CDH10: variants seen among roughly 807,000 people sequenced by gnomAD.
CDH10 encodes the protein cadherin 10.
Under a neutral mutation model 73.1 loss-of-function variants are expected in CDH10, and 30 were observed. The ratio of observed to expected loss-of-function variants is 0.41; its 90% confidence interval spans 0.31 to 0.56. The LOEUF is 0.56. Ranked by LOEUF, CDH10 falls within the 20% of genes least tolerant of loss-of-function variation. The probability of loss-of-function intolerance (pLI) is 0.27; values close to 1 mark genes in which losing one functional copy is unlikely to be tolerated. For missense variants in CDH10, 815 were observed against 973.7 expected, an observed-to-expected ratio of 0.84 and a Z score of 2.17; for synonymous variants, 345 against 348.2, an observed-to-expected ratio of 0.99 and a Z score of 0.10.
chr5:24,523,766 T>C (rs1743425534), intron 5 of CDH10, among the ~76,000 whole-genome samples: 1 of 152,156 alleles, frequency 6.6e-6, no homozygotes, highest in Non-Finnish European at 1.5e-5. Context: ...TTACAAGGTG[T>C]ATTTCATGTT....
intron 2 of CDH10, among the ~76,000 whole-genome samples, chr5:24,574,158 T>C (rs536049194): frequency 6.6e-6 from 1 of 152,162 alleles, no homozygotes; most frequent in Non-Finnish European, 1.5e-5. Context: ...ATTGCTGGGA[T>C]TACAGGCGTG....
chr5:24,502,211 C>A (rs950558395), intron 8 of CDH10, among the ~76,000 whole-genome samples: 2 of 152,082 alleles, frequency 1.3e-5, no homozygotes, highest in African/African-American at 4.8e-5. Flanking sequence ...CGTGAGCCAC[C>A]GCGCCTGGCT....
intron 5 of CDH10, among the ~76,000 whole-genome samples, chr5:24,531,458 A>C (rs11954473): frequency 0.46 from 70,180 of 151,822 alleles, 16,453 homozygotes; most frequent in East Asian, 0.58. Flanking sequence ...AAAGACATAC[A>C]CAAGACTGGG....
intron 11 of CDH10, 106 bp from the exon 12 acceptor site, chr5:24,488,259 CT>C: frequency 2.1e-6 from 2 of 949,884 alleles, no homozygotes; most frequent in Non-Finnish European, 3.1e-6. Flanking sequence ...TCTATAACAG[CT>C]TAGACTTTCA....
chr5:24,640,282 A>G (rs1430601536), intron 1 of CDH10, among the ~76,000 whole-genome samples: 1 of 151,676 alleles, frequency 6.6e-6, no homozygotes, highest in Non-Finnish European at 1.5e-5. Context: ...GGAAATAGAT[A>G]TAGATTTGCA....
chr5:24,625,996 A>G (rs1318591471), intron 1 of CDH10, among the ~76,000 whole-genome samples: 1 of 152,110 alleles, frequency 6.6e-6, no homozygotes, highest in Non-Finnish European at 1.5e-5. Context: ...ATATGAATTA[A>G]TTGTAGAATA....
At chr5:24,553,182 C>T (rs1744614555) in intron 2 of CDH10, among the ~76,000 whole-genome samples, 1 of 152,114 alleles carries the variant, frequency 6.6e-6, no homozygotes, top group South Asian at 2.1e-4. Context: ...TCCTTCTGAT[C>T]TCTGATCTTT....
intron 5 of CDH10, among the ~76,000 whole-genome samples, chr5:24,531,137 A>G (rs1461446258): frequency 6.6e-6 from 1 of 151,992 alleles, no homozygotes; most frequent in Non-Finnish European, 1.5e-5. Context: ...TGGTGGCTAG[A>G]TCCACTCTAT....
Position 24,535,711 on chromosome 5 carries a change from G to A in CDH10, c.638C>T (p.Pro213Leu), listed in dbSNP as rs1743926866. The A allele has an allele frequency of 5.6e-6, 9 of 1,610,092 alleles. No individual in the cohort carries two copies. The highest frequency in any genetic ancestry group is 7.6e-6 in the Non-Finnish European group (9 of 1,177,824). ...AATTCATGATTCCTGACCTGTTTCA[G>A]GCTCCACAGAGAAATAGGGCTGCCC... is the stretch of plus-strand genomic sequence containing the variant. ...LQGQPYFSVE[P>L]ETGIIRTALP... The change falls in exon 4 of 12, where the codon CCT becomes CTT. Residue 213 changes from proline to leucine, a missense_variant. By Grantham distance (98) the Pro-to-Leu change is moderately conservative (BLOSUM62 -3). Transcript: ENST00000264463.
chr5:24,525,415 C>T (rs1455547551), intron 5 of CDH10, among the ~76,000 whole-genome samples: 3 of 151,950 alleles, frequency 2.0e-5, no homozygotes, highest in African/African-American at 7.2e-5. Flanking sequence ...ATTGTAACAT[C>T]GCTATGCTGC....
chr5:24,511,743 G>C (rs1742920664), intron 5 of CDH10, among the ~76,000 whole-genome samples: 1 of 152,134 alleles, frequency 6.6e-6, no homozygotes, highest in Non-Finnish European at 1.5e-5. Flanking sequence ...CACATATTAT[G>C]AATAGTAAGA....
intron 1 of CDH10, among the ~76,000 whole-genome samples, chr5:24,623,938 T>TTC (rs910822658): frequency 1.3e-5 from 2 of 152,098 alleles, no homozygotes; most frequent in African/African-American, 4.8e-5. Flanking sequence ...GAAATGAAAG[T>TTC]TCTCTCTCTC....
At chr5:24,573,595 G>A (rs12654579) in intron 2 of CDH10, among the ~76,000 whole-genome samples, 68,460 of 149,812 alleles carry the variant, frequency 0.46, 16,984 homozygotes, top group East Asian at 0.69. Flanking sequence ...CAGCTACTCC[G>A]GAGGCTGAGG....
At chr5:24,643,160 T>C (rs552166617) in intron 1 of CDH10, among the ~76,000 whole-genome samples, 1 of 152,228 alleles carries the variant, frequency 6.6e-6, no homozygotes, top group East Asian at 1.9e-4. Context: ...AATACATATG[T>C]GCCACATTTA....
At chr5:24,587,142 C>A (rs1425403784) in intron 2 of CDH10, among the ~76,000 whole-genome samples, 1 of 152,038 alleles carries the variant, frequency 6.6e-6, no homozygotes, top group African/African-American at 2.4e-5. Context: ...CCGCGCCCGG[C>A]CGCCCATATT....
intron 2 of CDH10, among the ~76,000 whole-genome samples, chr5:24,581,099 T>C (rs542587836): frequency 1.3e-5 from 2 of 152,220 alleles, no homozygotes; most frequent in East Asian, 3.9e-4. Flanking sequence ...GGTGTGGCCA[T>C]CCTTGGGGGC....
Position 24,509,831 on chromosome 5 carries a change from A to T in CDH10, c.1003-12T>A, listed in dbSNP as rs1374360188. ...TCATAGTCGAGTGGCTGTATAAAAA[A>T]ATAAATCATCAAATTAGAGTGAGGG... On this transcript the variant is annotated splice_polypyrimidine_tract_variant and intron_variant, in intron 6 of 11. Transcript: ENST00000264463. 1.3e-6 allele frequency: 2 copies of T among 1,592,634 alleles called. No homozygotes were observed. The highest frequency in any genetic ancestry group is 1.1e-5 in the South Asian group (1 of 87,830).
chr5:24,518,223 A>G (rs933502355), intron 5 of CDH10, among the ~76,000 whole-genome samples: 8 of 152,178 alleles, frequency 5.3e-5, no homozygotes, highest in Non-Finnish European at 1.0e-4. Flanking sequence ...GAGGCACGTT[A>G]ATATCTCTGA....
At chr5:24,535,027 C>T in intron 5 of CDH10, 85 bp downstream of exon 5, 1 of 1,261,706 alleles carries the variant, frequency 7.9e-7, no homozygotes, top group East Asian at 2.5e-5. Flanking sequence ...ATGACAATTG[C>T]TTTTTCTTTT....
Sources: allele counts gnomAD v4.1 joint callset (sites outside exome capture counted in the v4.1 genomes callset), GRCh38; gene constraint gnomAD v4.1.1; transcripts MANE v1.5; gene names NCBI Gene and HGNC (gene_info 2026-07-23, HGNC 2026-07-21).